Variants in CCDC14 observed in about 807,000 individuals in gnomAD.
CCDC14 encodes the protein coiled-coil domain containing 14.
CCDC14 carries 71 observed loss-of-function variants against 81.4 expected under a neutral mutation model. The observed-to-expected ratio is 0.87, with a 90% CI of 0.72 to 1.06. CCDC14 has a LOEUF of 1.06. Among genes scored for constraint, CCDC14 ranks in the 50% least tolerant of loss-of-function variants. The pLI, the probability that CCDC14 is intolerant of heterozygous loss-of-function variation, is 0.00. For missense variants in CCDC14, 1,046 were observed against 1,047.3 expected (o/e 1.00, Z 0.02); for synonymous variants, 332 against 364.8 (o/e 0.91, Z 1.03).
the CCDC14 span, among the ~76,000 whole-genome samples, chr3:123,892,299 G>T: frequency 2.6e-5 from 4 of 152,214 alleles, no homozygotes; most frequent in Admixed American, 2.6e-4. Context: ...TGAAGCAATT[G>T]TCTGAGCTGT....
chr3:123,956,901 T>C (rs2037357835), intron 1 of CCDC14, 106 bp from the exon 2 acceptor site: 1 of 699,234 alleles, frequency 1.4e-6, no homozygotes, highest in Admixed American at 3.0e-5. Context: ...ATTCATCTTC[T>C]CAAACTGAAA....
At chr3:123,907,217 A>G (rs900515178) in intron 5 of CCDC14, among the ~76,000 whole-genome samples, 1 of 152,160 alleles carries the variant, frequency 6.6e-6, no homozygotes, top group Non-Finnish European at 1.5e-5. Context: ...CAGTTAAGGA[A>G]AGTTTTCTTA....
chr3:123,932,266 C>G (rs567495872), intron 10 of CCDC14, among the ~76,000 whole-genome samples: 45 of 152,226 alleles, frequency 3.0e-4, no homozygotes, highest in African/African-American at 9.9e-4. Context: ...ATAAGAGAAG[C>G]TATTTAAAGT....
At chr3:123,921,653 G>A (rs543314909) in intron 12 of CCDC14, among the ~76,000 whole-genome samples, 4 of 152,294 alleles carry the variant, frequency 2.6e-5, no homozygotes, top group Non-Finnish European at 5.9e-5. Flanking sequence ...TAGACCAGGG[G>A]TGTCCAAGCT....
At chr3:123,949,378 A>G (rs896766699) in intron 5 of CCDC14, 2 of 456,328 alleles carry the variant, frequency 4.4e-6, no homozygotes, top group East Asian at 3.6e-5. Flanking sequence ...TTTTTATGCT[A>G]CTTGCCATTT....
rs75141363 is a variant in CCDC14, at chr3:123,927,497, G to A, written c.1778+3605C>T. On this transcript the variant is annotated intron_variant, in intron 12 of 12. Transcript: ENST00000409697. ...TGTTTCTAAATCTTTAGAAAATGTA[G>A]GGATAGTGCTAAACTCTACATGAGA... Among the ~76,000 whole-genome samples, 91 of 152,252 alleles carry A rather than the reference G, an allele frequency of 6.0e-4. 2 individuals carry two copies. The South Asian group carries it at 0.011, about 18-fold the overall frequency.
Position 123,915,264 on chromosome 3 carries a change from G to A in CCDC14, c.2233C>T (p.Leu745Phe). The change falls in exon 13 of 13, where the codon CTT (leucine) becomes TTT (phenylalanine). Residue 745 changes from leucine to phenylalanine, a missense_variant. Leu to Phe is a conservative substitution (Grantham distance 22, BLOSUM62 0). Coordinates refer to ENST00000409697, the MANE Select transcript of CCDC14 (RefSeq NM_001366335.1). ...ARSTPEKKSPLSKRLSPQPQI... is the reference protein window; with the variant it reads ...ARSTPEKKSPFSKRLSPQPQI... Reference sequence around the variant, plus strand: ...GGCTGAGGGGATAGTCTCTTAGAAAGTGGTGATTTCTTTTCAGGAGTGCTT... The same window carrying A: ...GGCTGAGGGGATAGTCTCTTAGAAAATGGTGATTTCTTTTCAGGAGTGCTT... 6.2e-7 allele frequency: 1 copy of A among 1,613,892 alleles called. No individual in the cohort carries two copies. Among genetic ancestry groups the A allele is most frequent in the Non-Finnish European group, 8.5e-7 (1 of 1,179,872 alleles).
chr3:123,931,434 G>C lies in CCDC14; in HGVS notation c.1519C>G (p.Leu507Val). ...QELLQSKNEE[L>V]LKVIENQKDE... is the part of the protein sequence containing the mutation. The stretch of plus-strand genomic sequence containing the variant: ...TTCTGATTTTCAATCACTTTTAACA[G>C]CTCTTCATTTTTACTCTGCAGTAAT... Residue 507 changes from leucine (L) to valine (V), a missense_variant, in exon 11 of 13, where the codon CTG becomes GTG. Coordinates refer to ENST00000409697, the MANE Select transcript of CCDC14 (RefSeq NM_001366335.1). The C allele has an allele frequency of 6.4e-7, 1 of 1,564,470 alleles. No homozygotes were observed. The highest frequency in any genetic ancestry group is 8.7e-7 in the Non-Finnish European group (1 of 1,151,710).
intron 7 of CCDC14, among the ~76,000 whole-genome samples, chr3:123,948,139 G>T (rs1482159902): frequency 6.6e-6 from 1 of 151,968 alleles, no homozygotes; most frequent in Non-Finnish European, 1.5e-5. Flanking sequence ...AGTTGTACTT[G>T]GGTGGTCAGT....
At chr3:123,932,461 ATATT>A (rs2035792134) in intron 10 of CCDC14, among the ~76,000 whole-genome samples, 1 of 152,122 alleles carries the variant, frequency 6.6e-6, no homozygotes, top group African/African-American at 2.4e-5. Flanking sequence ...TTTATAAGAC[ATATT>A]TATATATTAA....
chr3:123,954,266 C>T (rs953620371), intron 5 of CCDC14: 1 of 152,130 alleles, frequency 6.6e-6, no homozygotes, highest in Non-Finnish European at 1.5e-5. Flanking sequence ...CTTCAAAGGT[C>T]AAATAAATAT....
chr3:123,915,996 C>CTT (rs55792519), intron 12 of CCDC14, among the ~76,000 whole-genome samples: 2,144 of 139,446 alleles, frequency 0.015, 36 homozygotes, highest in Middle Eastern at 0.056. Context: ...ATGTTTTACT[C>CTT]TTTTTTTTTT....
At position 123,925,650 on chromosome 3, in the gene CCDC14, G is replaced by C. The variant is rs1439487631; in HGVS notation, c.1778+5452C>G. ...AGGGTTTTACCATGTTGGCCAGGCT[G>C]GTCTCAAACTCCTGACCTCAGGTGA... is the stretch of plus-strand genomic sequence containing the variant. On this transcript the variant is annotated intron_variant, in intron 12 of 12. Coordinates refer to ENST00000409697, the MANE Select transcript of CCDC14 (RefSeq NM_001366335.1). Among the ~76,000 whole-genome samples, 4 of 152,208 alleles carry C rather than the reference G, an allele frequency of 2.6e-5. No individual in the cohort carries two copies. The East Asian group carries it at 7.7e-4, about 29-fold the overall frequency.
chr3:123,944,305 T>G (rs1177787257), intron 9 of CCDC14, among the ~76,000 whole-genome samples: 2 of 152,148 alleles, frequency 1.3e-5, no homozygotes, highest in African/African-American at 2.4e-5. Context: ...CCATGTGCCT[T>G]GTTTCAGCCT....
chr3:123,906,010 T>C (rs1261992419), intron 5 of CCDC14, among the ~76,000 whole-genome samples: 1 of 152,162 alleles, frequency 6.6e-6, no homozygotes, highest in African/African-American at 2.4e-5. Context: ...AGAATAGGGA[T>C]AGCTGAAAAA....
At chr3:123,920,992 CTAAGTA>C (rs1430096978) in intron 12 of CCDC14, among the ~76,000 whole-genome samples, 1 of 151,954 alleles carries the variant, frequency 6.6e-6, no homozygotes, top group East Asian at 1.9e-4. Flanking sequence ...TTAAAATAGC[CTAAGTA>C]TAAGATGTTT....
At chr3:123,938,753 C>T (rs1388293030) in intron 9 of CCDC14, among the ~76,000 whole-genome samples, 1 of 151,788 alleles carries the variant, frequency 6.6e-6, no homozygotes, top group Non-Finnish European at 1.5e-5. Context: ...ATTACAAAAA[C>T]TATTTTAAAA....
intron 4 of CCDC14, 36 bp downstream of exon 4, chr3:123,956,010 G>A (rs1276049870): frequency 6.5e-7 from 1 of 1,530,078 alleles, no homozygotes; most frequent in South Asian, 1.3e-5. Context: ...AATGACTTGA[G>A]ATAAGGTGAT....
At chr3:123,888,585 T>C in the CCDC14 span, among the ~76,000 whole-genome samples, 3 of 152,140 alleles carry the variant, frequency 2.0e-5, no homozygotes, top group Non-Finnish European at 4.4e-5. Flanking sequence ...TGACTGACAG[T>C]TCCTCAGGCT....
Sources: gnomAD v4.1 joint callset for allele counts (sites outside exome capture counted in the v4.1 genomes callset) on GRCh38, gnomAD v4.1.1 for gene constraint, MANE v1.5 for transcripts, NCBI Gene and HGNC (gene_info 2026-07-23, HGNC 2026-07-21) for gene names.